Variants in NT5C1A observed in about 807,000 individuals in gnomAD.
NT5C1A encodes 5'-nucleotidase, cytosolic IA.
A neutral mutation model predicts 31.0 loss-of-function variants in NT5C1A; 18 were observed. That is an observed-to-expected ratio of 0.58 (90% CI 0.40 to 0.86). NT5C1A has a LOEUF of 0.86. NT5C1A is among the 40% of genes least tolerant of loss of function. The probability of loss-of-function intolerance (pLI) is 0.00; values close to 1 mark genes in which losing one functional copy is unlikely to be tolerated. For synonymous variants in NT5C1A, 185 were observed against 203.6 expected (o/e 0.91, Z 0.78); for missense variants, 470 against 505.4 (o/e 0.93, Z 0.67).
intron 1 of NT5C1A, among the ~76,000 whole-genome samples, chr1:39,671,523 G>A (rs1438102293): frequency 6.6e-6 from 1 of 152,252 alleles, no homozygotes; most frequent in East Asian, 1.9e-4. Flanking sequence ...CGCACAGCCA[G>A]GAACCGGGTT....
chr1:39,669,205 C>T (rs1427610488), intron 1 of NT5C1A, among the ~76,000 whole-genome samples: 1 of 152,192 alleles, frequency 6.6e-6, no homozygotes, highest in Non-Finnish European at 1.5e-5. Context: ...AGGCTGATGG[C>T]TCCGGCTAGG....
At position 39,658,089 on chromosome 1, in the gene NT5C1A, G is replaced by A. The variant is rs937265608; in HGVS notation, c.*1032C>T. The stretch of plus-strand genomic sequence containing the variant: ...TGCTCAACAGGATGCAATAACTGGA[G>A]GAATGAGGGTGGTGGAAGTGAGGGT... On this transcript the variant is annotated 3_prime_UTR_variant, in exon 6 of 6. Coordinates refer to ENST00000235628, the MANE Select transcript of NT5C1A (RefSeq NM_032526.3). 6.6e-6 allele frequency among the ~76,000 whole-genome samples: 1 copy of A among 152,230 alleles called. No individual in the cohort carries two copies. Among genetic ancestry groups the A allele is most frequent in the Non-Finnish European group, 1.5e-5 (1 of 68,050 alleles).
chr1:39,664,816 A>G (rs1646513031), intron 3 of NT5C1A, among the ~76,000 whole-genome samples: 1 of 151,678 alleles, frequency 6.6e-6, no homozygotes, highest in African/African-American at 2.4e-5. Context: ...GTTTTTATTT[A>G]GGAAAAGCAG....
chr1:39,659,034 T>C lies in NT5C1A; in HGVS notation c.*87A>G. On this transcript the variant is annotated 3_prime_UTR_variant, in exon 6 of 6. Coordinates refer to ENST00000235628, the MANE Select transcript of NT5C1A (RefSeq NM_032526.3). Reference sequence around the variant, plus strand: ...GCAGACAGGCAGAAGGACAGAACAGTGAGAAACTAGAGGGATCTACCAGAG... The same window carrying C: ...GCAGACAGGCAGAAGGACAGAACAGCGAGAAACTAGAGGGATCTACCAGAG... The C allele has an allele frequency of 1.4e-6, 2 of 1,478,318 alleles. No homozygotes were observed. Among genetic ancestry groups the C allele is most frequent in the Non-Finnish European group, 1.8e-6 (2 of 1,108,108 alleles). The allele number at this position is 1,478,318 out of a possible 1,614,324, so 91.6% of individuals were successfully genotyped here. A position where few individuals can be genotyped will look rare whatever the true frequency, so the allele number is the denominator to read the frequency against.
intron 5 of NT5C1A, among the ~76,000 whole-genome samples, chr1:39,659,883 G>A (rs1200115066): frequency 6.6e-6 from 1 of 152,206 alleles, no homozygotes; most frequent in South Asian, 2.1e-4. Flanking sequence ...GCTATAAACA[G>A]CTGGAGAAGA....
In NT5C1A at chr1:39,657,336, A is replaced by C. The variant is rs1646469159; in HGVS notation, c.*1785T>G. Among the ~76,000 whole-genome samples the C allele has an allele frequency of 6.6e-6, 1 of 152,178 alleles. No individual in the cohort carries two copies. Among genetic ancestry groups the C allele is most frequent in the Non-Finnish European group, 1.5e-5 (1 of 68,028 alleles). ...CATCTCTTACCCTGCCCCACACTGC[A>C]CAGAACCTGTGCCCTTTCAGACCCT... On this transcript the variant is annotated 3_prime_UTR_variant, in exon 6 of 6. Transcript: ENST00000235628.
In NT5C1A at chr1:39,661,229, C is replaced by T; in HGVS notation, c.591G>A (p.Arg197=). The change falls in exon 5 of 6, where the codon AGG becomes AGA. Residue 197 remains arginine (R), a synonymous_variant. Transcript: ENST00000235628. ...IAAATIFSPS[R]DVVVSQSQLR... is the part of the protein sequence containing the mutation. ...GCTGACTCTGGGACACAACCACATC[C>T]CTGCTGGGGCTGAAGATGGTGGCAG... The T allele has an allele frequency of 6.3e-7, 1 of 1,589,504 alleles. No individual in the cohort carries two copies. Among genetic ancestry groups the T allele is most frequent in the Admixed American group, 1.7e-5 (1 of 59,696 alleles).
At chr1:39,662,679 A>T (rs114165952) in intron 4 of NT5C1A, among the ~76,000 whole-genome samples, 2 of 152,246 alleles carry the variant, frequency 1.3e-5, no homozygotes, top group African/African-American at 4.8e-5. Context: ...GTACCTGGCC[A>T]GTCCTTGCTC....
intron 1 of NT5C1A, among the ~76,000 whole-genome samples, chr1:39,669,874 T>G (rs771754620): frequency 6.6e-6 from 1 of 152,210 alleles, no homozygotes; most frequent in Non-Finnish European, 1.5e-5. Context: ...CCCAGAGTGA[T>G]CTTTCTAAAA....
At position 39,653,849 on chromosome 1, in the gene NT5C1A, CAGAGT is replaced by C. The variant is rs574607082; in HGVS notation, c.*5267_*5271del. Among the ~76,000 whole-genome samples, 215 of 152,356 alleles carry C rather than the reference CAGAGT, an allele frequency of 1.4e-3. 1 individual carries two copies. Among genetic ancestry groups the C allele is most frequent in the African/African-American group, 5.0e-3 (208 of 41,578 alleles). ...AAGTCAGGTGAGGCTCTGACATCCTCAGAGTTGCATCATATCCTCAGAGGATGAAC... is the reference window on the plus strand; with the variant it reads ...AAGTCAGGTGAGGCTCTGACATCCTCTGCATCATATCCTCAGAGGATGAAC... On this transcript the variant is annotated 3_prime_UTR_variant, in exon 6 of 6. Transcript: ENST00000235628.
chr1:39,665,750 G>A, intron 2 of NT5C1A, 100 bp from the exon 3 acceptor site: 1 of 1,246,798 alleles, frequency 8.0e-7, no homozygotes. Context: ...GCCATGCTTG[G>A]GATGAGATAA....
At chr1:39,661,382 A>C (rs1646492512) in intron 4 of NT5C1A, 119 bp from the exon 5 acceptor site, 1 of 510,468 alleles carries the variant, frequency 2.0e-6, no homozygotes, top group South Asian at 3.7e-5. Context: ...AGGCTGATGA[A>C]AACTAATATT....
intron 1 of NT5C1A, among the ~76,000 whole-genome samples, chr1:39,666,686 G>A (rs985858780): frequency 6.6e-6 from 1 of 151,648 alleles, no homozygotes; most frequent in African/African-American, 2.4e-5. Flanking sequence ...TCTGTCTCCT[G>A]AGCTCCAGAT....
rs540104513 is a variant in NT5C1A, at chr1:39,656,699, C to G, written c.*2422G>C. Reference sequence around the variant, plus strand: ...ATTAGGTGACATCTGGTGCCGTCCCCAGTGCACAGGTCCACCCTGGTCAGT... The same window carrying G: ...ATTAGGTGACATCTGGTGCCGTCCCGAGTGCACAGGTCCACCCTGGTCAGT... On this transcript the variant is annotated 3_prime_UTR_variant, in exon 6 of 6. Coordinates refer to ENST00000235628, the MANE Select transcript of NT5C1A (RefSeq NM_032526.3). Among the ~76,000 whole-genome samples, 1 of 152,384 alleles carries G rather than the reference C, an allele frequency of 6.6e-6. No individual in the cohort carries two copies. The highest frequency in any genetic ancestry group is 2.4e-5 in the African/African-American group (1 of 41,594).
intron 1 of NT5C1A, 41 bp from the exon 2 acceptor site, chr1:39,666,277 G>A (rs1377771671): frequency 6.3e-7 from 1 of 1,592,728 alleles, no homozygotes; most frequent in African/African-American, 1.3e-5. Flanking sequence ...TCAGATGACT[G>A]CCCCTGAGGC....
intron 4 of NT5C1A, 79 bp downstream of exon 4, chr1:39,663,233 G>T: frequency 6.4e-7 from 1 of 1,560,334 alleles, no homozygotes; most frequent in East Asian, 2.2e-5. Context: ...GCACCTGCTC[G>T]GAACTTCAGG....
chr1:39,661,253 A>G lies in NT5C1A; in HGVS notation c.567T>C (p.Ala189=), dbSNP rs1278486271. 1 of 1,573,034 alleles carries G rather than the reference A, an allele frequency of 6.4e-7. No homozygotes were observed. Among genetic ancestry groups the G allele is most frequent in the South Asian group, 1.1e-5 (1 of 89,642 alleles). ...VREAIDEGIA[A]ATIFSPSRDV... ...CCCTGCTGGGGCTGAAGATGGTGGC[A>G]GCTGCGATCCCTAGGCAGAGAGAGG... is the stretch of plus-strand genomic sequence containing the variant. Residue 189 remains alanine (A), a synonymous_variant, in exon 5 of 6, where the codon GCT becomes GCC. Coordinates refer to ENST00000235628, the MANE Select transcript of NT5C1A (RefSeq NM_032526.3).
intron 1 of NT5C1A, among the ~76,000 whole-genome samples, chr1:39,670,517 C>T (rs150958688): frequency 3.9e-5 from 6 of 152,126 alleles, no homozygotes; most frequent in East Asian, 1.9e-4. Context: ...AAACATAGTC[C>T]GAAGAAGAAA....
intron 5 of NT5C1A, among the ~76,000 whole-genome samples, chr1:39,660,285 C>T (rs1646486411): frequency 6.6e-6 from 1 of 152,222 alleles, no homozygotes; most frequent in Non-Finnish European, 1.5e-5. Context: ...GCCTGCTGAG[C>T]TCTTGGAGAG....
Sources: allele counts gnomAD v4.1 joint callset (sites outside exome capture counted in the v4.1 genomes callset), GRCh38; gene constraint gnomAD v4.1.1; transcripts MANE v1.5; gene names NCBI Gene and HGNC (gene_info 2026-07-23, HGNC 2026-07-21).